PDZD2: variants seen among roughly 807,000 people sequenced by gnomAD.
PDZD2 encodes PDZ domain-containing protein 2.
PDZD2 carries 90 observed loss-of-function variants against 220.7 expected under a neutral mutation model. The observed-to-expected ratio is 0.41, with a 90% CI of 0.34 to 0.49. The LOEUF is 0.49. PDZD2 is among the 20% of genes least tolerant of loss of function. The probability of loss-of-function intolerance (pLI) is 0.28; values close to 1 mark genes in which losing one functional copy is unlikely to be tolerated. For synonymous variants in PDZD2, 1,375 were observed against 1,450.5 expected (o/e 0.95, Z 1.18); for missense variants, 3,174 against 3,608.5 (o/e 0.88, Z 3.08).
intron 2 of PDZD2, among the ~76,000 whole-genome samples, chr5:31,980,412 A>G (rs1750199726): frequency 6.6e-6 from 1 of 152,344 alleles, no homozygotes; most frequent in Non-Finnish European, 1.5e-5. Flanking sequence ...GGATATATCA[A>G]CAGTTGTTTA....
At chr5:31,884,150 T>C (rs1283642407) in intron 2 of PDZD2, among the ~76,000 whole-genome samples, 1 of 152,072 alleles carries the variant, frequency 6.6e-6, no homozygotes, top group African/African-American at 2.4e-5. Flanking sequence ...GAGGCTGAGG[T>C]TGCAGTGAGC....
At position 32,010,399 on chromosome 5, in the gene PDZD2, G is replaced by T. The variant is rs1371139765; in HGVS notation, c.1324G>T (p.Asp442Tyr). The T allele has an allele frequency of 5.6e-6, 9 of 1,612,438 alleles. No individual in the cohort carries two copies. Among genetic ancestry groups the T allele is most frequent in the East Asian group, 2.2e-5 (1 of 44,854 alleles). ...GCCAGATCTGACCAGCTCGGTAGAA[G>T]ATGTGTCCTCCTGGACTGATAACGA... ...SLPDLTSSVE[D>Y]VSSWTDNEDQ... is the part of the protein sequence containing the mutation. Residue 442 changes from aspartate (D) to tyrosine (Y), a missense_variant, in exon 6 of 25, where the codon GAT becomes TAT. Transcript: ENST00000438447.
At chr5:31,647,598 G>A (rs1745181983) in intron 1 of PDZD2, among the ~76,000 whole-genome samples, 1 of 152,164 alleles carries the variant, frequency 6.6e-6, no homozygotes, top group African/African-American at 2.4e-5. Context: ...GTGTGTCTGT[G>A]TCTTCTCTCT....
chr5:31,870,544 CAAGT>C (rs1163757535), intron 2 of PDZD2, among the ~76,000 whole-genome samples: 1 of 152,110 alleles, frequency 6.6e-6, no homozygotes, highest in Non-Finnish European at 1.5e-5. Context: ...CTCACAGTAG[CAAGT>C]GTCAGGTTTC....
At chr5:31,754,682 G>GTA (rs1479723010) in intron 1 of PDZD2, 1 of 152,250 alleles carries the variant, frequency 6.6e-6, no homozygotes, top group African/African-American at 2.4e-5. Context: ...CTCTGGTTCA[G>GTA]AAGTCAGAGA....
chr5:31,783,617 G>A (rs1322765823), intron 1 of PDZD2, among the ~76,000 whole-genome samples: 3 of 152,138 alleles, frequency 2.0e-5, no homozygotes, highest in Non-Finnish European at 4.4e-5. Flanking sequence ...ATGCTTCAGT[G>A]GAACCTGGTG....
chr5:31,947,769 T>C (rs963150879), intron 2 of PDZD2, among the ~76,000 whole-genome samples: 13 of 151,996 alleles, frequency 8.6e-5, no homozygotes, highest in Admixed American at 5.2e-4. Context: ...GTGAGCCAAG[T>C]TGGCACCACT....
At chr5:32,007,010 G>C (rs1752878021) in intron 5 of PDZD2, among the ~76,000 whole-genome samples, 1 of 135,686 alleles carries the variant, frequency 7.4e-6, no homozygotes, top group Admixed American at 9.1e-5. Flanking sequence ...CCGCCTCCCA[G>C]GCTTACGCCA....
At chr5:31,732,348 G>A (rs556591946) in intron 1 of PDZD2, among the ~76,000 whole-genome samples, 2 of 152,268 alleles carry the variant, frequency 1.3e-5, no homozygotes, top group South Asian at 4.2e-4. Context: ...TCATCTCTTT[G>A]TCCTATCCAT....
At chr5:31,930,434 C>T (rs1014273909) in intron 2 of PDZD2, among the ~76,000 whole-genome samples, 2 of 151,844 alleles carry the variant, frequency 1.3e-5, no homozygotes, top group Non-Finnish European at 2.9e-5. Context: ...CTCCTGACCT[C>T]GTGATCCGCC....
chr5:31,710,817 G>GACA (rs1491558547), intron 1 of PDZD2, among the ~76,000 whole-genome samples: 1 of 140,226 alleles, frequency 7.1e-6, no homozygotes, highest in Non-Finnish European at 1.5e-5. Context: ...ACTCCGTCTT[G>GACA]AAAAAAAAAA....
intron 2 of PDZD2, among the ~76,000 whole-genome samples, chr5:31,898,082 C>T (rs1741737283): frequency 6.6e-6 from 1 of 152,246 alleles, no homozygotes; most frequent in South Asian, 2.1e-4. Flanking sequence ...AGGGTGGACA[C>T]TCATCATTTG....
chr5:31,778,764 G>A (rs1312779385), intron 1 of PDZD2, among the ~76,000 whole-genome samples: 3 of 152,124 alleles, frequency 2.0e-5, no homozygotes, highest in African/African-American at 7.2e-5. Flanking sequence ...GATTACAGGT[G>A]TGAGCCACCG....
chr5:32,100,853 T>C, intron 23 of PDZD2: 1 of 1,536,482 alleles, frequency 6.5e-7, no homozygotes, highest in African/African-American at 1.4e-5. Flanking sequence ...CATTTGCCAA[T>C]GCTTGCAGAA....
chr5:32,057,137 C>T (rs1739164999), intron 10 of PDZD2, among the ~76,000 whole-genome samples: 1 of 152,074 alleles, frequency 6.6e-6, no homozygotes, highest in Non-Finnish European at 1.5e-5. Flanking sequence ...AAGACTGTTT[C>T]TGGGCTGCCA....
At chr5:32,096,028 C>A (rs1224011653) in intron 21 of PDZD2, among the ~76,000 whole-genome samples, 1 of 151,934 alleles carries the variant, frequency 6.6e-6, no homozygotes. Context: ...CAGGCGTGAG[C>A]CACCGCACCC....
chr5:31,803,100 TA>T lies in PDZD2; in HGVS notation c.476+3377del, dbSNP rs1223736689. ...CCAGAGCCTTTATTTTATTTTATTT[TA>T]TTTTTTTTTTTTGCAGACAGCGTCT... On this transcript the variant is annotated intron_variant, in intron 2 of 24. Coordinates refer to ENST00000438447, the MANE Select transcript of PDZD2 (RefSeq NM_178140.4). Among the ~76,000 whole-genome samples the T allele has an allele frequency of 2.2e-3, 295 of 133,074 alleles. 1 individual carries two copies. The highest frequency in any genetic ancestry group is 0.013 in the East Asian group (45 of 3,552). The allele number at this position is 133,074 out of a possible 152,430, so 87.3% of individuals were successfully genotyped here.
intron 1 of PDZD2, among the ~76,000 whole-genome samples, chr5:31,795,103 T>G (rs1753950081): frequency 6.6e-6 from 1 of 152,210 alleles, no homozygotes; most frequent in Non-Finnish European, 1.5e-5. Flanking sequence ...CTCACATCCC[T>G]GCCTGGAGAA....
Position 31,921,689 on chromosome 5 carries a change from C to A in PDZD2, c.477-61466C>A, listed in dbSNP as rs1744272849. Among the ~76,000 whole-genome samples, 3 of 150,380 alleles carry A rather than the reference C, an allele frequency of 2.0e-5. No homozygotes were observed. In the South Asian group the frequency reaches 6.3e-4, roughly 32 times the overall value. ...TGGGTGACAGAGTGAGACCCCATCT[C>A]AAAAAAAAAATTTTTTTTTTGAAGC... On this transcript the variant is annotated intron_variant, in intron 2 of 24. Transcript: ENST00000438447.
Sources: gnomAD v4.1 joint callset for allele counts (sites outside exome capture counted in the v4.1 genomes callset) on GRCh38, gnomAD v4.1.1 for gene constraint, MANE v1.5 for transcripts, NCBI Gene and HGNC (gene_info 2026-07-23, HGNC 2026-07-21) for gene names.